LDB2: variants seen among roughly 807,000 people sequenced by gnomAD.
The protein encoded by LDB2 is LIM domain binding 2, also known as LIM domain-binding protein 2.
In LDB2, 12 loss-of-function variants were observed where a neutral mutation model predicts 44.3. The ratio of observed to expected loss-of-function variants is 0.27; its 90% confidence interval spans 0.17 to 0.44. The LOEUF (loss-of-function observed/expected upper bound fraction) is 0.44. Ranked by LOEUF, LDB2 falls within the 20% of genes least tolerant of loss-of-function variation. The probability of loss-of-function intolerance (pLI) is 1.00; values close to 1 mark genes in which losing one functional copy is unlikely to be tolerated. For synonymous variants in LDB2, 164 were observed against 174.8 expected (o/e 0.94, Z 0.49); for missense variants, 344 against 473.5 (o/e 0.73, Z 2.54).
chr4:16,779,185 T>C (rs1203675042), intron 1 of LDB2, among the ~76,000 whole-genome samples: 1 of 151,766 alleles, frequency 6.6e-6, no homozygotes. Flanking sequence ...GATTTGAACT[T>C]GTGCCACCAC....
At chr4:16,752,482 G>C in intron 2 of LDB2, 1 of 446,914 alleles carries the variant, frequency 2.2e-6, no homozygotes, top group Non-Finnish European at 4.5e-6. Flanking sequence ...AGACAAGTCT[G>C]TTTTGGCTCT....
intron 5 of LDB2, among the ~76,000 whole-genome samples, chr4:16,548,424 A>ACTT (rs1375182177): frequency 1.3e-5 from 2 of 152,082 alleles, no homozygotes; most frequent in Non-Finnish European, 2.9e-5. Context: ...CTCAAGTTGG[A>ACTT]CTTAGCTTTG....
chr4:16,553,096 G>A (rs1738237752), intron 5 of LDB2, among the ~76,000 whole-genome samples: 1 of 152,216 alleles, frequency 6.6e-6, no homozygotes, highest in Admixed American at 6.5e-5. Flanking sequence ...TGCTAGGTAG[G>A]CAAAGAAGGA....
chr4:16,502,907 C>A (rs750321696), intron 7 of LDB2, 34 bp from the exon 8 acceptor site: 2 of 1,609,952 alleles, frequency 1.2e-6, no homozygotes, highest in South Asian at 1.1e-5. Context: ...TACAGGGAAA[C>A]CTTGGGAGAG....
intron 2 of LDB2, among the ~76,000 whole-genome samples, chr4:16,712,224 C>T (rs1578988610): frequency 6.6e-6 from 1 of 152,148 alleles, no homozygotes; most frequent in South Asian, 2.1e-4. Flanking sequence ...TAAAAGGCAA[C>T]TCAATTTACA....
chr4:16,571,852 A>C (rs771232269), intron 5 of LDB2, among the ~76,000 whole-genome samples: 2 of 152,228 alleles, frequency 1.3e-5, no homozygotes, highest in Non-Finnish European at 2.9e-5. Flanking sequence ...AGCTGTTCCC[A>C]AATTCATTAT....
At chr4:16,750,031 A>G (rs1765193127) in intron 2 of LDB2, among the ~76,000 whole-genome samples, 1 of 152,164 alleles carries the variant, frequency 6.6e-6, no homozygotes, top group African/African-American at 2.4e-5. Context: ...AATTCTATGT[A>G]TTTAAGATAT....
chr4:16,588,682 A>G, intron 4 of LDB2, 28 bp downstream of exon 4: 1 of 1,608,166 alleles, frequency 6.2e-7, no homozygotes, highest in Non-Finnish European at 8.5e-7. Context: ...AAAAGAAAAG[A>G]AAGCAAAACA....
At chr4:16,844,301 C>A (rs1580166808) in intron 1 of LDB2, among the ~76,000 whole-genome samples, 1 of 142,208 alleles carries the variant, frequency 7.0e-6, no homozygotes, top group South Asian at 2.3e-4. Flanking sequence ...AGTCACCAAG[C>A]AACAGCTGTA....
intron 1 of LDB2, among the ~76,000 whole-genome samples, chr4:16,800,967 G>T (rs565924782): frequency 6.6e-6 from 1 of 152,172 alleles, no homozygotes; most frequent in Non-Finnish European, 1.5e-5. Flanking sequence ...GAGCCACCGC[G>T]CCCGGCCGGA....
At chr4:16,778,925 C>T (rs190859938) in intron 1 of LDB2, among the ~76,000 whole-genome samples, 159 of 152,290 alleles carry the variant, frequency 1.0e-3, no homozygotes, top group Non-Finnish European at 1.8e-3. Context: ...CCTTCCAGTT[C>T]TAATATTAGA....
chr4:16,659,600 T>A (rs182809986), intron 2 of LDB2, among the ~76,000 whole-genome samples: 289 of 147,538 alleles, frequency 2.0e-3, no homozygotes, highest in African/African-American at 7.4e-3. Context: ...AAATCTAATA[T>A]ATATGAATTA....
At chr4:16,796,916 G>T (rs977310231) in intron 1 of LDB2, among the ~76,000 whole-genome samples, 1 of 152,090 alleles carries the variant, frequency 6.6e-6, no homozygotes, top group Admixed American at 6.6e-5. Context: ...AACATTCATG[G>T]TTAACAAACA....
intron 2 of LDB2, among the ~76,000 whole-genome samples, chr4:16,748,291 G>T (rs1001980170): frequency 1.3e-5 from 2 of 152,090 alleles, no homozygotes; most frequent in African/African-American, 2.4e-5. Context: ...ATACCAATTG[G>T]GAAAGGACAA....
chr4:16,561,081 G>A (rs1741992934), intron 5 of LDB2, among the ~76,000 whole-genome samples: 1 of 152,088 alleles, frequency 6.6e-6, no homozygotes, highest in Non-Finnish European at 1.5e-5. Flanking sequence ...AATAATAAGA[G>A]CTATCTATGA....
chr4:16,698,179 C>A (rs1267944090), intron 2 of LDB2, among the ~76,000 whole-genome samples: 1 of 152,126 alleles, frequency 6.6e-6, no homozygotes, highest in East Asian at 1.9e-4. Flanking sequence ...TTCTTGTTGA[C>A]AAATCATTTT....
At chr4:16,889,794 A>T (rs1434489808) in intron 1 of LDB2, among the ~76,000 whole-genome samples, 1 of 152,222 alleles carries the variant, frequency 6.6e-6, no homozygotes, top group Non-Finnish European at 1.5e-5. Flanking sequence ...AATAAACAAG[A>T]AGCAAGAAAA....
At chr4:16,706,443 C>T (rs1450620608) in intron 2 of LDB2, among the ~76,000 whole-genome samples, 1 of 152,180 alleles carries the variant, frequency 6.6e-6, no homozygotes, top group Non-Finnish European at 1.5e-5. Context: ...TTTAATCTGC[C>T]AGTGACTCAG....
chr4:16,506,036 A>G lies in LDB2; in HGVS notation c.891+2499T>C. ...AGGATTAAACCCTAGCCCTCGCCAG[A>G]CACACACATCGCTGCCGCAGCAGCT... On this transcript the variant is annotated intron_variant, in intron 7 of 7. Coordinates refer to ENST00000304523, the MANE Select transcript of LDB2 (RefSeq NM_001290.5). 6 of 1,531,876 alleles carry G rather than the reference A, an allele frequency of 3.9e-6. No homozygotes were observed. In the South Asian group the frequency reaches 7.3e-5, roughly 19 times the overall value. The allele number at this position is 1,531,876 out of a possible 1,614,324, so 94.9% of individuals were successfully genotyped here.
Sources: gnomAD v4.1 joint callset for allele counts (sites outside exome capture counted in the v4.1 genomes callset) on GRCh38, gnomAD v4.1.1 for gene constraint, MANE v1.5 for transcripts, NCBI Gene and HGNC (gene_info 2026-07-23, HGNC 2026-07-21) for gene names.